The following PDE1A variants were observed in gnomAD, a reference collection of about 807,000 sequenced individuals.
The protein encoded by PDE1A is phosphodiesterase 1A.
Under a neutral mutation model 61.7 loss-of-function variants are expected in PDE1A, and 35 were observed. The observed-to-expected ratio is 0.57, with a 90% confidence interval of 0.43 to 0.75. The LOEUF is 0.75. PDE1A is among the 30% of genes least tolerant of loss of function. PDE1A has a pLI of 0.00. For synonymous variants in PDE1A, 232 were observed against 213.2 expected (o/e 1.09, Z -0.77); for missense variants, 597 against 630.6 (o/e 0.95, Z 0.57).
At chr2:182,147,251 A>G in intron 13 of PDE1A, 99 bp from the exon 14 acceptor site, 1 of 594,718 alleles carries the variant, frequency 1.7e-6, no homozygotes, top group Non-Finnish European at 2.8e-6. Flanking sequence ...AATGTTGAAG[A>G]CTGAATTTTA....
At chr2:182,444,942 GA>G (rs1206374128) in intron 2 of PDE1A, among the ~76,000 whole-genome samples, 1 of 152,072 alleles carries the variant, frequency 6.6e-6, no homozygotes. Context: ...AAACAGTCCT[GA>G]GATACACAAG....
chr2:182,456,055 T>C (rs1264810671), intron 2 of PDE1A, among the ~76,000 whole-genome samples: 2 of 152,104 alleles, frequency 1.3e-5, no homozygotes, highest in Non-Finnish European at 2.9e-5. Context: ...AATTCAGATC[T>C]AATTCATATC....
At chr2:182,400,437 T>C (rs576216212) in intron 1 of PDE1A, among the ~76,000 whole-genome samples, 3 of 152,312 alleles carry the variant, frequency 2.0e-5, no homozygotes, top group Middle Eastern at 6.8e-3. Flanking sequence ...TCCAAGATAA[T>C]GTGCCTTCGT....
rs535301503 is a variant in PDE1A at position 182,289,108 on chromosome 2, G to A, written c.54-24694C>T. On this transcript the variant is annotated intron_variant, in intron 1 of 13. Coordinates refer to ENST00000351439, the Ensembl canonical transcript of PDE1A. ...GACCTTTAGAATCTACATGATTCCC[G>A]AAGTTAGAATCCCCACCCACTCCCA... Among the ~76,000 whole-genome samples the A allele has an allele frequency of 3.3e-5, 5 of 151,810 alleles. No homozygotes were observed. The South Asian group carries it at 8.3e-4, about 25-fold the overall frequency.
the PDE1A span, among the ~76,000 whole-genome samples, chr2:182,642,237 G>T: frequency 6.6e-6 from 1 of 152,118 alleles, no homozygotes; most frequent in Non-Finnish European, 1.5e-5. Context: ...AACTGTATAA[G>T]CCAGAACATT....
chr2:182,463,498 T>C (rs1410823527), intron 2 of PDE1A: 1 of 152,168 alleles, frequency 6.6e-6, no homozygotes, highest in Non-Finnish European at 1.5e-5. Flanking sequence ...AGAATATTTA[T>C]GCTGCATTGT....
the PDE1A span, among the ~76,000 whole-genome samples, chr2:182,563,439 G>C: frequency 6.6e-6 from 1 of 152,124 alleles, no homozygotes; most frequent in Non-Finnish European, 1.5e-5. Context: ...TATCATTTCT[G>C]TTCTTTTCCA....
At chr2:182,624,499 T>A in the PDE1A span, among the ~76,000 whole-genome samples, 1 of 152,340 alleles carries the variant, frequency 6.6e-6, no homozygotes, top group African/African-American at 2.4e-5. Flanking sequence ...TGAACACTAT[T>A]TCCAATAGCA....
chr2:182,202,606 ACTC>A (rs1223615675), intron 8 of PDE1A, among the ~76,000 whole-genome samples: 4 of 152,014 alleles, frequency 2.6e-5, no homozygotes, highest in African/African-American at 9.7e-5. Context: ...CACATGGACC[ACTC>A]CTCTGTGCCA....
At chr2:182,194,881 TCACACACACACACACACA>T (rs55809632) in intron 10 of PDE1A, among the ~76,000 whole-genome samples, 4 of 144,942 alleles carry the variant, frequency 2.8e-5, no homozygotes, top group Middle Eastern at 3.5e-3. Flanking sequence ...TCTGAAATAT[TCACACACACACACACACA>T]CACACACACA....
intron 1 of PDE1A, among the ~76,000 whole-genome samples, chr2:182,376,079 G>T (rs1257702859): frequency 1.3e-5 from 2 of 152,190 alleles, no homozygotes; most frequent in Non-Finnish European, 2.9e-5. Context: ...GGGAGGGACT[G>T]CTGCAAAGAT....
intron 2 of PDE1A, among the ~76,000 whole-genome samples, chr2:182,500,967 T>A (rs1405446924): frequency 6.6e-6 from 1 of 152,262 alleles, no homozygotes; most frequent in African/African-American, 2.4e-5. Context: ...TTTATGTGTG[T>A]ATGTGTGTAG....
At chr2:182,709,299 A>G in the PDE1A span, among the ~76,000 whole-genome samples, 460 of 152,270 alleles carry the variant, frequency 3.0e-3, 3 homozygotes, top group African/African-American at 0.011. Flanking sequence ...TTACATATCA[A>G]TTGTTTGTTC....
At chr2:182,209,009 G>A (rs1267203967) in intron 7 of PDE1A, among the ~76,000 whole-genome samples, 1 of 152,060 alleles carries the variant, frequency 6.6e-6, no homozygotes, top group South Asian at 2.1e-4. Context: ...AGACTTTTGG[G>A]GACTGTTGGG....
chr2:182,683,394 A>G, the PDE1A span, among the ~76,000 whole-genome samples: 1 of 152,206 alleles, frequency 6.6e-6, no homozygotes, highest in East Asian at 1.9e-4. Context: ...TGTGTTTTCA[A>G]AACAAGTATA....
At chr2:182,247,999 C>T (rs1051855433) in intron 2 of PDE1A, among the ~76,000 whole-genome samples, 6 of 151,988 alleles carry the variant, frequency 3.9e-5, no homozygotes, top group Admixed American at 2.0e-4. Flanking sequence ...AAGAAACATA[C>T]AACGTGAAAA....
At chr2:182,661,065 A>C in the PDE1A span, among the ~76,000 whole-genome samples, 1 of 152,232 alleles carries the variant, frequency 6.6e-6, no homozygotes, top group African/African-American at 2.4e-5. Context: ...TAGCTTCTGA[A>C]TGACATGTTT....
chr2:182,246,444 C>T (rs1574136988), intron 2 of PDE1A, among the ~76,000 whole-genome samples: 1 of 123,718 alleles, frequency 8.1e-6, no homozygotes, highest in Non-Finnish European at 1.6e-5. Flanking sequence ...TGCTCCGTCG[C>T]TCAGGCTGTA....
chr2:182,260,526 A>G (rs1337579797), intron 2 of PDE1A, among the ~76,000 whole-genome samples: 1 of 152,202 alleles, frequency 6.6e-6, no homozygotes. Context: ...TCTTAAGCTG[A>G]TATTTTGATC....
Sources: gnomAD v4.1 joint callset for allele counts (sites outside exome capture counted in the v4.1 genomes callset) on GRCh38, gnomAD v4.1.1 for gene constraint, MANE v1.5 for transcripts, NCBI Gene and HGNC (gene_info 2026-07-23, HGNC 2026-07-21) for gene names.